ANKRD18A: variants seen among roughly 807,000 people sequenced by gnomAD.
ANKRD18A encodes ankyrin repeat domain 18A.
A neutral mutation model predicts 110.6 loss-of-function variants in ANKRD18A; 72 were observed. That is an observed-to-expected ratio of 0.65 (90% CI 0.54 to 0.79). The LOEUF (loss-of-function observed/expected upper bound fraction) is 0.79, where lower values mean the gene tolerates loss of function less well. Among genes scored for constraint, ANKRD18A ranks in the 30% least tolerant of loss-of-function variants. ANKRD18A has a pLI of 0.00. For missense variants in ANKRD18A, 934 were observed against 1,163.3 expected (o/e 0.80, Z 2.87); for synonymous variants, 305 against 410.3 (o/e 0.74, Z 3.10).
intron 7 of ANKRD18A, among the ~76,000 whole-genome samples, chr9:38,601,616 T>C (rs1356678584): frequency 3.9e-5 from 6 of 152,234 alleles, no homozygotes; most frequent in Admixed American, 3.3e-4. Context: ...GTTACTGTTA[T>C]ACCTTTACAG....
At chr9:38,598,151 T>A (rs1322653704) in intron 8 of ANKRD18A, among the ~76,000 whole-genome samples, 2 of 152,182 alleles carry the variant, frequency 1.3e-5, no homozygotes, top group African/African-American at 4.8e-5. Context: ...CCTCCCACTG[T>A]CTTACCATTT....
downstream of ANKRD18A, chr9:38,568,801 G>A (rs537861940): frequency 3.2e-3 from 3,202 of 985,276 alleles, 70 homozygotes; most frequent in African/African-American, 0.051. Context: ...CTGCTGGGGG[G>A]ACCATAGTGC....
intron 10 of ANKRD18A, among the ~76,000 whole-genome samples, chr9:38,589,055 T>C (rs1283341829): frequency 6.6e-6 from 1 of 152,220 alleles, no homozygotes; most frequent in Non-Finnish European, 1.5e-5. Context: ...CTAAGATGAT[T>C]TTTAGAAAAC....
chr9:38,615,841 C>T (rs1563979579), intron 2 of ANKRD18A, 74 bp from the exon 3 acceptor site: 19 of 1,532,240 alleles, frequency 1.2e-5, no homozygotes, highest in Non-Finnish European at 1.7e-5. Context: ...GTTTCACCAA[C>T]TAGCTATATT....
At chr9:38,611,545 T>C (rs1194312270) in intron 3 of ANKRD18A, among the ~76,000 whole-genome samples, 1 of 152,200 alleles carries the variant, frequency 6.6e-6, no homozygotes, top group Non-Finnish European at 1.5e-5. Context: ...AAACTCACTT[T>C]ATTTACCAGT....
intron 8 of ANKRD18A, among the ~76,000 whole-genome samples, chr9:38,600,594 A>G (rs541359231): frequency 1.1e-3 from 170 of 152,326 alleles, no homozygotes; most frequent in African/African-American, 3.9e-3. Context: ...TCTGGAAAGC[A>G]TAATTCTCTC....
intron 6 of ANKRD18A, among the ~76,000 whole-genome samples, chr9:38,606,949 C>G (rs1237210478): frequency 1.3e-5 from 2 of 151,250 alleles, no homozygotes; most frequent in Admixed American, 1.3e-4. Flanking sequence ...GCTACAAATT[C>G]CTAAATAACT....
At chr9:38,595,463 T>A (rs114789407) in intron 9 of ANKRD18A, 23 bp downstream of exon 9, 2 of 1,438,360 alleles carry the variant, frequency 1.4e-6, no homozygotes, top group Non-Finnish European at 1.8e-6. Context: ...TTTCCAGAAG[T>A]TTATAGTTTT....
chr9:38,575,741 C>T, intron 14 of ANKRD18A, 43 bp from the exon 15 acceptor site: 2 of 1,504,948 alleles, frequency 1.3e-6, no homozygotes, highest in Non-Finnish European at 8.9e-7. Flanking sequence ...TTCATTTTTC[C>T]TTGAATGATT....
chr9:38,569,598 G>A (rs919089091), downstream of ANKRD18A, among the ~76,000 whole-genome samples: 16 of 152,208 alleles, frequency 1.1e-4, no homozygotes, highest in Non-Finnish European at 2.9e-5. Context: ...AGGGCCCAGA[G>A]TCGGTGTCCT....
At chr9:38,576,947 G>A in intron 14 of ANKRD18A, 106 bp downstream of exon 14, 1 of 888,036 alleles carries the variant, frequency 1.1e-6, no homozygotes, top group Non-Finnish European at 1.7e-6. Flanking sequence ...TATCAAATTA[G>A]CATTCACTTC....
At chr9:38,585,214 A>G (rs1157595490) in intron 12 of ANKRD18A, among the ~76,000 whole-genome samples, 1 of 152,186 alleles carries the variant, frequency 6.6e-6, no homozygotes, top group African/African-American at 2.4e-5. Flanking sequence ...GAGGGCTGCC[A>G]GCTAGGAGGC....
At chr9:38,608,724 A>C (rs1475351797) in intron 5 of ANKRD18A, among the ~76,000 whole-genome samples, 1 of 147,320 alleles carries the variant, frequency 6.8e-6, no homozygotes, top group African/African-American at 2.5e-5. Context: ...TAATTATATA[A>C]TATATAGATT....
rs753791660 is a variant in ANKRD18A at position 38,620,070 on chromosome 9, C to T, written c.206+10G>A. On this transcript the variant is annotated intron_variant, in intron 1 of 15. Transcript: ENST00000399703. ...GCCCCCTCCCACCGCGGGCTGAGTC[C>T]CCGAGCTACCTGTCTTTTCTGTCGC... is the stretch of plus-strand genomic sequence containing the variant. 393 of 1,549,770 alleles carry T rather than the reference C, an allele frequency of 2.5e-4. No individual in the cohort carries two copies. The highest frequency in any genetic ancestry group is 1.8e-3 in the Admixed American group (92 of 50,982).
intron 15 of ANKRD18A, among the ~76,000 whole-genome samples, chr9:38,573,569 G>T (rs1032004947): frequency 6.6e-6 from 1 of 152,024 alleles, no homozygotes; most frequent in Admixed American, 6.6e-5. Context: ...ACAAAAATTA[G>T]CTGGGTGTGG....
downstream of ANKRD18A, among the ~76,000 whole-genome samples, chr9:38,570,786 G>C (rs1021436726): frequency 6.6e-6 from 1 of 152,212 alleles, no homozygotes; most frequent in Non-Finnish European, 1.5e-5. Flanking sequence ...AAGACACAGG[G>C]AGGGAGTCAG....
At chr9:38,594,162 A>T (rs983710648) in intron 9 of ANKRD18A, among the ~76,000 whole-genome samples, 5 of 152,268 alleles carry the variant, frequency 3.3e-5, no homozygotes, top group East Asian at 1.9e-4. Context: ...TAGACCCTCA[A>T]CTCAACCTGA....
downstream of ANKRD18A, chr9:38,567,323 A>T (rs1823506317): frequency 2.0e-5 from 3 of 152,212 alleles, no homozygotes; most frequent in Admixed American, 2.0e-4. Flanking sequence ...TCTCTTTGCT[A>T]GTGTTATTAT....
chr9:38,603,166 A>G lies in ANKRD18A; in HGVS notation c.855T>C (p.Arg285=), dbSNP rs1226496488. 4.5e-6 allele frequency: 7 copies of G among 1,550,964 alleles called. No individual in the cohort carries two copies. Among genetic ancestry groups the G allele is most frequent in the Non-Finnish European group, 6.1e-6 (7 of 1,146,576 alleles). The change falls in exon 7 of 16, where the codon CGT becomes CGC. Residue 285 remains arginine, a synonymous_variant. Transcript: ENST00000399703. The part of the protein sequence containing the change: ...KPANLKKRKE[R]AKAEHNLKVA... ...AGAACTCAAGTGTCTTACCTTTTGC[A>G]CGTTCTTTTCTTTTTTTCAAATTTG...
Sources: allele counts gnomAD v4.1 joint callset (sites outside exome capture counted in the v4.1 genomes callset), GRCh38; gene constraint gnomAD v4.1.1; transcripts MANE v1.5; gene names NCBI Gene and HGNC (gene_info 2026-07-23, HGNC 2026-07-21).